The following ADGRL2 variants were observed in gnomAD, a reference collection of about 807,000 sequenced individuals.
ADGRL2 encodes calcium-independent alpha-latrotoxin receptor 2.
ADGRL2 carries 44 observed loss-of-function variants against 157.4 expected under a neutral mutation model. That is an observed-to-expected ratio of 0.28 (90% CI 0.22 to 0.36). ADGRL2 has a LOEUF of 0.36. ADGRL2 is among the 10% of genes least tolerant of loss of function. The pLI, the probability that ADGRL2 is intolerant of heterozygous loss-of-function variation, is 1.00. For missense variants in ADGRL2, 1,510 were observed against 1,768.9 expected (o/e 0.85, Z 2.63); for synonymous variants, 585 against 624.7 (o/e 0.94, Z 0.95).
chr1:81,552,188 C>T (rs985421119), intron 2 of ADGRL2, among the ~76,000 whole-genome samples: 1 of 152,022 alleles, frequency 6.6e-6, no homozygotes, highest in Non-Finnish European at 1.5e-5. Flanking sequence ...CCACTAGGCC[C>T]GAGAAGAGTC....
intron 10 of ADGRL2, among the ~76,000 whole-genome samples, chr1:81,953,876 T>A (rs1652619748): frequency 6.6e-6 from 1 of 152,154 alleles, no homozygotes; most frequent in Non-Finnish European, 1.5e-5. Flanking sequence ...ACAAAAGAAC[T>A]TTTGTAGTTT....
chr1:81,419,094 T>C (rs1356991673), intron 1 of ADGRL2, among the ~76,000 whole-genome samples: 6 of 152,214 alleles, frequency 3.9e-5, no homozygotes, highest in Non-Finnish European at 7.3e-5. Context: ...GTGAAGGAAC[T>C]TTCTATCAAT....
intron 2 of ADGRL2, among the ~76,000 whole-genome samples, chr1:81,782,446 A>G (rs994271094): frequency 6.6e-6 from 1 of 152,194 alleles, no homozygotes; most frequent in Admixed American, 6.5e-5. Flanking sequence ...GATATACTTT[A>G]AAAAATTAAT....
At chr1:81,583,149 T>C (rs2080951570) in intron 3 of ADGRL2, among the ~76,000 whole-genome samples, 1 of 152,124 alleles carries the variant, frequency 6.6e-6, no homozygotes, top group Non-Finnish European at 1.5e-5. Flanking sequence ...CTTATATCCT[T>C]TCCTATTCCA....
rs1558067262 is a variant in ADGRL2 at position 81,991,185 on chromosome 1, T to C, written c.*40T>C. ...AATTCCAAGGGCCACATGCGAGTAT[T>C]AATAAATAAAGACACCATTGGCCTG... On this transcript the variant is annotated 3_prime_UTR_variant, in exon 24 of 24. Transcript: ENST00000686636. 2 of 1,543,424 alleles carry C rather than the reference T, an allele frequency of 1.3e-6. No individual in the cohort carries two copies. The highest frequency in any genetic ancestry group is 2.4e-5 in the South Asian group (2 of 82,358).
chr1:81,901,486 T>C (rs1193194234), intron 2 of ADGRL2, among the ~76,000 whole-genome samples: 1 of 152,038 alleles, frequency 6.6e-6, no homozygotes, highest in African/African-American at 2.4e-5. Flanking sequence ...GCTTCAAGAT[T>C]TGTCTTTATA....
rs1176474957 is a variant in ADGRL2, at chr1:81,955,971, T to C, written c.1928T>C (p.Met643Thr). 6.2e-7 allele frequency: 1 copy of C among 1,611,470 alleles called. No individual in the cohort carries two copies. Among genetic ancestry groups the C allele is most frequent in the African/African-American group, 1.3e-5 (1 of 74,786 alleles). Reference sequence around the variant, plus strand: ...TCTGAACAAGCACATACTGCAACAATGTTACTCGATACATTGGAAGAAGGA... The same window carrying C: ...TCTGAACAAGCACATACTGCAACAACGTTACTCGATACATTGGAAGAAGGA... The part of the protein sequence containing the change: ...NSSEQAHTAT[M>T]LLDTLEEGAF... Residue 643 changes from methionine (M) to threonine (T), a missense_variant, in exon 11 of 24, where the codon ATG (methionine) becomes ACG (threonine). Met to Thr is a moderately conservative substitution (Grantham distance 81, BLOSUM62 -1). Coordinates refer to ENST00000686636, the MANE Select transcript of ADGRL2 (RefSeq NM_001366006.2).
intron 2 of ADGRL2, among the ~76,000 whole-genome samples, chr1:81,874,199 A>T (rs2093770756): frequency 6.6e-6 from 1 of 152,102 alleles, no homozygotes; most frequent in African/African-American, 2.4e-5. Context: ...GAAACAACTT[A>T]ATTATGTGAA....
At chr1:81,557,872 T>A (rs2080349081) in intron 2 of ADGRL2, 1 of 152,282 alleles carries the variant, frequency 6.6e-6, no homozygotes, top group African/African-American at 2.4e-5. Flanking sequence ...TAGCTGTTAC[T>A]TTCTGTATAA....
intron 2 of ADGRL2, among the ~76,000 whole-genome samples, chr1:81,555,006 G>A (rs556387524): frequency 6.6e-6 from 1 of 152,132 alleles, no homozygotes; most frequent in East Asian, 2.0e-4. Context: ...TGCCCTTGGG[G>A]TGCAGCAAAA....
intron 3 of ADGRL2, among the ~76,000 whole-genome samples, chr1:81,657,267 A>G (rs757748396): frequency 9.9e-5 from 15 of 152,142 alleles, no homozygotes; most frequent in Non-Finnish European, 1.6e-4. Flanking sequence ...TGCCCTTATA[A>G]AAGAGGTCTG....
chr1:81,542,996 CTT>C (rs1203875417), intron 2 of ADGRL2, among the ~76,000 whole-genome samples: 1 of 147,886 alleles, frequency 6.8e-6, no homozygotes, highest in Non-Finnish European at 1.5e-5. Flanking sequence ...AATTTAAACA[CTT>C]TTTATCTTGC....
At chr1:81,664,374 A>G (rs888813729) in intron 3 of ADGRL2, among the ~76,000 whole-genome samples, 3 of 152,136 alleles carry the variant, frequency 2.0e-5, no homozygotes, top group Admixed American at 6.5e-5. Flanking sequence ...CCCCTCAGAA[A>G]AGCAATTTTT....
intron 2 of ADGRL2, 41 bp from the exon 3 acceptor site, chr1:81,906,976 A>G: frequency 6.9e-7 from 1 of 1,457,932 alleles, no homozygotes; most frequent in Non-Finnish European, 9.6e-7. Context: ...TTTATCTTAT[A>G]AATGAGTTAC....
At chr1:81,635,872 G>C (rs2082105562) in intron 3 of ADGRL2, among the ~76,000 whole-genome samples, 1 of 152,162 alleles carries the variant, frequency 6.6e-6, no homozygotes, top group Non-Finnish European at 1.5e-5. Context: ...CTCTATCCCT[G>C]TTGCAACTTC....
At chr1:81,957,976 C>T (rs1001648643) in intron 11 of ADGRL2, among the ~76,000 whole-genome samples, 1 of 151,200 alleles carries the variant, frequency 6.6e-6, no homozygotes, top group South Asian at 2.1e-4. Flanking sequence ...TCCTGGCCAA[C>T]ATGGTGAAAA....
chr1:81,853,335 C>T (rs568233867), intron 2 of ADGRL2, among the ~76,000 whole-genome samples: 2 of 152,184 alleles, frequency 1.3e-5, no homozygotes, highest in African/African-American at 2.4e-5. Flanking sequence ...TTTAGGAATA[C>T]CTAGCAGGAC....
At position 81,722,138 on chromosome 1, in the gene ADGRL2, A is replaced by G. The variant is rs1166911071; in HGVS notation, c.-143+22330A>G. 11 of 360,432 alleles carry G rather than the reference A, an allele frequency of 3.1e-5. No individual in the cohort carries two copies. In the Admixed American group the frequency reaches 3.1e-4, roughly 10 times the overall value. The allele number at this position is 360,432 out of a possible 1,614,324, so 22.3% of individuals were successfully genotyped here. A position where few individuals can be genotyped will look rare whatever the true frequency, so the allele number is the denominator to read the frequency against. On this transcript the variant is annotated intron_variant, in intron 1 of 20. Transcript: ENST00000359929. The stretch of plus-strand genomic sequence containing the variant: ...AAACCCCGTCTCTACTAAAAAATAT[A>G]AAAAATTAGCCGGGAGCGGTGGCAG...
intron 1 of ADGRL2, among the ~76,000 whole-genome samples, chr1:81,379,824 G>A (rs2076313792): frequency 6.6e-6 from 1 of 152,174 alleles, no homozygotes; most frequent in Admixed American, 6.5e-5. Flanking sequence ...ATAGGCCTAG[G>A]ATGGGGGCAT....
Sources: allele counts gnomAD v4.1 joint callset (sites outside exome capture counted in the v4.1 genomes callset), GRCh38; gene constraint gnomAD v4.1.1; transcripts MANE v1.5; gene names NCBI Gene and HGNC (gene_info 2026-07-23, HGNC 2026-07-21).